INPP4B: variants seen among roughly 807,000 people sequenced by gnomAD.
The protein encoded by INPP4B is inositol polyphosphate-4-phosphatase type II B.
Under a neutral mutation model 122.5 loss-of-function variants are expected in INPP4B, and 55 were observed. That is an observed-to-expected ratio of 0.45 (90% CI 0.36 to 0.56). The LOEUF (loss-of-function observed/expected upper bound fraction) is 0.56. Among genes scored for constraint, INPP4B ranks in the 20% least tolerant of loss-of-function variants. INPP4B has a pLI of 0.00. For missense variants in INPP4B, 1,000 were observed against 1,097.7 expected, an observed-to-expected ratio of 0.91 and a Z score of 1.26; for synonymous variants, 403 against 388.7, an observed-to-expected ratio of 1.04 and a Z score of -0.43.
At chr4:142,509,445 T>G (rs1824432215) in intron 2 of INPP4B, among the ~76,000 whole-genome samples, 1 of 152,142 alleles carries the variant, frequency 6.6e-6, no homozygotes, top group Admixed American at 6.5e-5. Flanking sequence ...TTCTCATTGT[T>G]CAACCCCCAC....
chr4:142,816,887 A>G (rs773956010), intron 1 of INPP4B, among the ~76,000 whole-genome samples: 2 of 152,158 alleles, frequency 1.3e-5, no homozygotes, highest in Non-Finnish European at 2.9e-5. Context: ...ATACATTTAG[A>G]GTTTTGTGGG....
At chr4:142,453,528 G>A (rs9986090) in intron 3 of INPP4B, among the ~76,000 whole-genome samples, 23,049 of 151,994 alleles carry the variant, frequency 0.15, 2,028 homozygotes, top group East Asian at 0.37. Context: ...TTTTTATTAT[G>A]GCAGGCAAGA....
intron 25 of INPP4B, among the ~76,000 whole-genome samples, chr4:142,058,900 G>A (rs777830273): frequency 6.6e-5 from 10 of 152,036 alleles, no homozygotes; most frequent in Non-Finnish European, 8.8e-5. Flanking sequence ...TAATGAGAAA[G>A]ATTATGTTTT....
intron 25 of INPP4B, among the ~76,000 whole-genome samples, chr4:142,047,550 G>A (rs980961623): frequency 2.0e-5 from 3 of 151,956 alleles, no homozygotes; most frequent in African/African-American, 4.8e-5. Context: ...GAGAAGGACC[G>A]AGATCTCATT....
In INPP4B at chr4:142,124,722, G is replaced by A. The variant is rs958390672; in HGVS notation, c.1759C>T (p.Leu587=). Residue 587 remains leucine, a synonymous_variant, in exon 19 of 26, where the codon CTG becomes TTG. Coordinates refer to ENST00000262992, the MANE Select transcript of INPP4B (RefSeq NM_001101669.3). ...YEQLYPLILT[L]KDCMGEVVNR... ...ACCACTTCTCCCATGCAGTCCTTCA[G>A]GGTAAGGATGAGGGGATACAACTGT... The A allele has an allele frequency of 2.5e-6, 4 of 1,604,908 alleles. No homozygotes were observed. The highest frequency in any genetic ancestry group is 2.7e-5 in the African/African-American group (2 of 74,774).
chr4:142,752,692 C>T (rs1009503003), intron 1 of INPP4B, among the ~76,000 whole-genome samples: 5 of 152,040 alleles, frequency 3.3e-5, no homozygotes, highest in Admixed American at 3.3e-4. Context: ...TGTAATTCTT[C>T]ACATAGCATC....
At chr4:142,810,320 A>G (rs1779352373) in intron 1 of INPP4B, among the ~76,000 whole-genome samples, 2 of 152,166 alleles carry the variant, frequency 1.3e-5, no homozygotes, top group African/African-American at 4.8e-5. Flanking sequence ...AACATTCATC[A>G]GTGAGGCTGC....
chr4:142,167,673 T>C (rs2152929596), intron 16 of INPP4B, among the ~76,000 whole-genome samples: 1 of 151,902 alleles, frequency 6.6e-6, no homozygotes, highest in Middle Eastern at 3.4e-3. Context: ...CTGAACTTTA[T>C]GCCTTTGCTA....
intron 11 of INPP4B, among the ~76,000 whole-genome samples, chr4:142,241,468 T>C (rs932996497): frequency 6.6e-6 from 1 of 152,200 alleles, no homozygotes; most frequent in African/African-American, 2.4e-5. Flanking sequence ...TTCTTTCCTT[T>C]GAAATTGCAG....
intron 11 of INPP4B, 74 bp downstream of exon 11, chr4:142,260,418 G>T: frequency 1.1e-6 from 1 of 902,680 alleles, no homozygotes; most frequent in Non-Finnish European, 1.8e-6. Context: ...GAGAATGCTG[G>T]TTCAGTGTTG....
At chr4:142,238,122 C>A in intron 11 of INPP4B, 111 bp from the exon 12 acceptor site, 1 of 511,136 alleles carries the variant, frequency 2.0e-6, no homozygotes, top group Non-Finnish European at 3.4e-6. Flanking sequence ...TCATTTGATC[C>A]AAAATGTCTT....
At position 142,136,124 on chromosome 4, in the gene INPP4B, A is replaced by G. The variant is rs183894562; in HGVS notation, c.1720+9716T>C. ...TGCTTTTTATTTACTCTTTTTTGCCATACTCCCTTGGATGTGGGGCTACGT... is the reference window on the plus strand; with the variant it reads ...TGCTTTTTATTTACTCTTTTTTGCCGTACTCCCTTGGATGTGGGGCTACGT... On this transcript the variant is annotated intron_variant, in intron 18 of 25. Coordinates refer to ENST00000262992, the MANE Select transcript of INPP4B (RefSeq NM_001101669.3). Among the ~76,000 whole-genome samples, 491 of 152,114 alleles carry G rather than the reference A, an allele frequency of 3.2e-3. 3 individuals are homozygous for G. Among genetic ancestry groups the G allele is most frequent in the African/African-American group, 0.011 (443 of 41,504 alleles).
intron 25 of INPP4B, among the ~76,000 whole-genome samples, chr4:142,045,213 C>T (rs1178649177): frequency 6.6e-6 from 1 of 152,088 alleles, no homozygotes. Context: ...CTGAACTGAT[C>T]CCTTCTTCAC....
intron 18 of INPP4B, among the ~76,000 whole-genome samples, chr4:142,136,588 G>C (rs1390855476): frequency 6.6e-6 from 1 of 152,194 alleles, no homozygotes; most frequent in African/African-American, 2.4e-5. Context: ...GTTCTCAGAA[G>C]AGTTTAATAT....
At chr4:142,598,162 T>G (rs1175537088) in intron 2 of INPP4B, among the ~76,000 whole-genome samples, 1 of 152,140 alleles carries the variant, frequency 6.6e-6, no homozygotes, top group African/African-American at 2.4e-5. Context: ...CCAGCTCAGT[T>G]GATATTGGCC....
Position 142,144,355 on chromosome 4 carries a change from C to T in INPP4B, c.1720+1485G>A, listed in dbSNP as rs149323396. 2.7e-3 allele frequency among the ~76,000 whole-genome samples: 404 copies of T among 151,408 alleles called. 3 individuals carry two copies. The highest frequency in any genetic ancestry group is 4.6e-3 in the Non-Finnish European group (311 of 67,782). ...AAAAAATATAACAAAATCCAGTGTCCCTTATCTTATTTCTGCTAAAAAATA... is the reference window on the plus strand; with the variant it reads ...AAAAAATATAACAAAATCCAGTGTCTCTTATCTTATTTCTGCTAAAAAATA... On this transcript the variant is annotated intron_variant, in intron 18 of 25. Transcript: ENST00000262992.
At chr4:142,716,223 C>A (rs1763742304) in intron 2 of INPP4B, among the ~76,000 whole-genome samples, 1 of 152,150 alleles carries the variant, frequency 6.6e-6, no homozygotes, top group Non-Finnish European at 1.5e-5. Flanking sequence ...TTGCTGTGGC[C>A]ATTTTTGCAA....
chr4:142,094,585 TC>T (rs1781040812), intron 23 of INPP4B, among the ~76,000 whole-genome samples: 1 of 152,088 alleles, frequency 6.6e-6, no homozygotes, highest in Admixed American at 6.5e-5. Context: ...TACACCAAGG[TC>T]AGATGACAGC....
intron 2 of INPP4B, among the ~76,000 whole-genome samples, chr4:142,469,842 C>T (rs1818486678): frequency 6.6e-6 from 1 of 151,988 alleles, no homozygotes; most frequent in African/African-American, 2.4e-5. Flanking sequence ...GGGCATAGGA[C>T]TCCAAGGTTG....
Sources: gnomAD v4.1 joint callset for allele counts (sites outside exome capture counted in the v4.1 genomes callset) on GRCh38, gnomAD v4.1.1 for gene constraint, MANE v1.5 for transcripts, NCBI Gene and HGNC (gene_info 2026-07-23, HGNC 2026-07-21) for gene names.